The following LRRTM4 variants were observed in gnomAD, a reference collection of about 807,000 sequenced individuals.
The protein encoded by LRRTM4 is leucine-rich repeat transmembrane neuronal protein 4.
Under a neutral mutation model 47.6 loss-of-function variants are expected in LRRTM4, and 25 were observed. The observed-to-expected ratio is 0.53, with a 90% CI of 0.38 to 0.73. The LOEUF (loss-of-function observed/expected upper bound fraction) is 0.73, where lower values mean the gene tolerates loss of function less well. LRRTM4 is among the 30% of genes least tolerant of loss of function. The pLI, the probability that LRRTM4 is intolerant of heterozygous loss-of-function variation, is 0.00. For synonymous variants in LRRTM4, 311 were observed against 269.5 expected, an observed-to-expected ratio of 1.15 and a Z score of -1.51; for missense variants, 638 against 713.4, an observed-to-expected ratio of 0.89 and a Z score of 1.20.
rs367948629 is a variant in LRRTM4 at position 77,212,457 on chromosome 2, TTATA to T, written c.1551+305857_1551+305860del. On this transcript the variant is annotated intron_variant, in intron 3 of 3. Coordinates refer to ENST00000409884, the MANE Select transcript of LRRTM4 (RefSeq NM_001134745.3). ...TAATTGTTCTGAATTAGTGGAATAA[TTATA>T]TATATATATATATAGAGAGAGAGAG... Among the ~76,000 whole-genome samples the T allele has an allele frequency of 4.2e-3, 614 of 145,508 alleles. 4 individuals are homozygous for T. The highest frequency in any genetic ancestry group is 0.014 in the African/African-American group (534 of 39,150).
intron 3 of LRRTM4, among the ~76,000 whole-genome samples, chr2:77,427,025 C>T (rs1361458421): frequency 2.0e-5 from 3 of 148,106 alleles, no homozygotes; most frequent in Admixed American, 1.4e-4. Flanking sequence ...TTTTGCCAGA[C>T]TAGGGCACAG....
chr2:77,311,385 G>A (rs1300757169), intron 3 of LRRTM4, among the ~76,000 whole-genome samples: 5 of 152,170 alleles, frequency 3.3e-5, no homozygotes, highest in African/African-American at 1.2e-4. Context: ...GATGAATGTT[G>A]ATGTGGGAGA....
At chr2:76,929,159 C>T (rs147226826) in intron 3 of LRRTM4, among the ~76,000 whole-genome samples, 71 of 152,238 alleles carry the variant, frequency 4.7e-4, no homozygotes, top group African/African-American at 1.6e-3. Flanking sequence ...TGGAGCGCTT[C>T]AAGGAAATAA....
chr2:76,899,544 T>C (rs1429178811), intron 3 of LRRTM4, among the ~76,000 whole-genome samples: 2 of 151,996 alleles, frequency 1.3e-5, no homozygotes, highest in Non-Finnish European at 2.9e-5. Flanking sequence ...ATATCCTACA[T>C]GAAGGCAATA....
At chr2:77,083,371 G>C (rs954644628) in intron 3 of LRRTM4, among the ~76,000 whole-genome samples, 4 of 152,130 alleles carry the variant, frequency 2.6e-5, no homozygotes, top group African/African-American at 9.7e-5. Flanking sequence ...GATTCTTAAA[G>C]GTTTGCCAAC....
At chr2:76,806,889 A>G (rs534228638) in intron 3 of LRRTM4, among the ~76,000 whole-genome samples, 1 of 152,308 alleles carries the variant, frequency 6.6e-6, no homozygotes, top group African/African-American at 2.4e-5. Flanking sequence ...GAACCTGAAA[A>G]TGAATTTCAT....
chr2:77,080,180 T>G (rs1680485113), intron 3 of LRRTM4, among the ~76,000 whole-genome samples: 1 of 152,242 alleles, frequency 6.6e-6, no homozygotes, highest in African/African-American at 2.4e-5. Flanking sequence ...AAAAACTTAA[T>G]AACTCCCTTG....
intron 3 of LRRTM4, among the ~76,000 whole-genome samples, chr2:77,174,359 G>A (rs1439974357): frequency 6.6e-6 from 1 of 152,182 alleles, no homozygotes; most frequent in South Asian, 2.1e-4. Flanking sequence ...GGGTTTTGGA[G>A]GCAGAAGTAC....
At chr2:77,021,384 G>A (rs1678264233) in intron 3 of LRRTM4, among the ~76,000 whole-genome samples, 1 of 151,554 alleles carries the variant, frequency 6.6e-6, no homozygotes, top group Non-Finnish European at 1.5e-5. Context: ...ACATTAATGG[G>A]CTGCAATGAC....
intron 3 of LRRTM4, among the ~76,000 whole-genome samples, chr2:77,405,267 G>T (rs764702145): frequency 6.6e-6 from 1 of 151,984 alleles, no homozygotes; most frequent in Non-Finnish European, 1.5e-5. Context: ...GCCCTTCTGG[G>T]AATTACACAA....
At chr2:77,107,742 C>T (rs1028483638) in intron 3 of LRRTM4, among the ~76,000 whole-genome samples, 3 of 144,468 alleles carry the variant, frequency 2.1e-5, no homozygotes, top group East Asian at 2.1e-4. Flanking sequence ...TGCTTGAACC[C>T]GGGAGGCAGA....
chr2:77,467,158 G>C (rs1677012912), intron 3 of LRRTM4, among the ~76,000 whole-genome samples: 1 of 152,096 alleles, frequency 6.6e-6, no homozygotes, highest in African/African-American at 2.4e-5. Flanking sequence ...TAAGGAGAAG[G>C]AGTTGAATAC....
At chr2:76,861,313 C>G (rs1054364541) in intron 3 of LRRTM4, among the ~76,000 whole-genome samples, 3 of 152,022 alleles carry the variant, frequency 2.0e-5, no homozygotes, top group African/African-American at 7.2e-5. Flanking sequence ...TAAAAGACTG[C>G]ATTATTTTTA....
chr2:77,234,598 TG>T (rs1264866524), intron 3 of LRRTM4, among the ~76,000 whole-genome samples: 2 of 152,212 alleles, frequency 1.3e-5, no homozygotes, highest in Admixed American at 1.3e-4. Context: ...TAGGATCATT[TG>T]GAATTATTAG....
intron 3 of LRRTM4, among the ~76,000 whole-genome samples, chr2:77,285,512 C>T (rs940462747): frequency 4.6e-5 from 7 of 151,526 alleles, no homozygotes; most frequent in Admixed American, 1.3e-4. Flanking sequence ...GAGACTGAGG[C>T]GGGCAGATCG....
chr2:76,840,001 GATGA>G (rs1671625565), intron 3 of LRRTM4, among the ~76,000 whole-genome samples: 1 of 152,052 alleles, frequency 6.6e-6, no homozygotes, highest in African/African-American at 2.4e-5. Flanking sequence ...AAGACACAAT[GATGA>G]ATAAGGCAGA....
intron 3 of LRRTM4, among the ~76,000 whole-genome samples, chr2:76,761,480 A>C (rs891150898): frequency 1.3e-5 from 2 of 152,166 alleles, no homozygotes; most frequent in Admixed American, 1.3e-4. Flanking sequence ...ATCATTATAC[A>C]CATGTTTTCT....
At chr2:76,836,778 A>G (rs141436605) in intron 3 of LRRTM4, among the ~76,000 whole-genome samples, 2 of 152,240 alleles carry the variant, frequency 1.3e-5, no homozygotes, top group African/African-American at 4.8e-5. Context: ...GCCAATACAG[A>G]ACAGAATATA....
chr2:77,291,581 G>A (rs915617414), intron 3 of LRRTM4, among the ~76,000 whole-genome samples: 2 of 152,016 alleles, frequency 1.3e-5, no homozygotes, highest in African/African-American at 4.8e-5. Context: ...ATTTAGCAGA[G>A]TTCCTTCAAA....
Sources: gnomAD v4.1 joint callset for allele counts (sites outside exome capture counted in the v4.1 genomes callset) on GRCh38, gnomAD v4.1.1 for gene constraint, MANE v1.5 for transcripts, NCBI Gene and HGNC (gene_info 2026-07-23, HGNC 2026-07-21) for gene names.